The following OGT variants were observed in gnomAD, a reference collection of about 807,000 sequenced individuals.
OGT encodes the protein O-linked N-acetylglucosamine (GlcNAc) transferase.
A neutral mutation model predicts 75.8 loss-of-function variants in OGT; 3 were observed. The ratio of observed to expected loss-of-function variants is 0.04; its 90% CI spans 0.02 to 0.10. OGT has a LOEUF of 0.10. OGT is among the 10% of genes least tolerant of loss of function. The pLI, the probability that OGT is intolerant of heterozygous loss-of-function variation, is 1.00. For synonymous variants in OGT, 257 were observed against 289.7 expected (o/e 0.89, Z 1.15); for missense variants, 260 against 824.4 (o/e 0.32, Z 8.38).
At chrX:71,549,319 A>C (rs1031858214) in intron 5 of OGT, among the ~76,000 whole-genome samples, 75 of 107,127 alleles carry the variant, frequency 7.0e-4, no homozygotes, top group African/African-American at 2.3e-3. Flanking sequence ...AAAAAAAAAA[A>C]AAAATTAGGC....
In OGT at chrX:71,559,126, T is replaced by C. The variant is rs201095807; in HGVS notation, c.1603-141T>C. 8 of 486,025 alleles carry C rather than the reference T, an allele frequency of 1.6e-5. No individual in the cohort carries two copies. In the East Asian group the frequency reaches 2.6e-4, roughly 16 times the overall value. 40.1% of individuals were successfully genotyped at this position (486,025 alleles called of 1,213,427 possible). On this transcript the variant is annotated intron_variant, in intron 12 of 21. Transcript: ENST00000373719. ...TATTACATAAAGTGCTGAGGTTGCA[T>C]CTCTCTGGCAATATTAACTAAATGC...
intron 12 of OGT, among the ~76,000 whole-genome samples, 200 bp downstream of exon 12, chrX:71,557,872 T>G (rs1602148820): frequency 1.8e-5 from 2 of 112,025 alleles, no homozygotes; most frequent in East Asian, 5.5e-4. Flanking sequence ...GACGGAATCC[T>G]TAACTCCTTC....
intron 16 of OGT, 51 bp from the exon 17 acceptor site, chrX:71,563,079 A>T: frequency 1.7e-6 from 2 of 1,193,060 alleles, no homozygotes; most frequent in Non-Finnish European, 2.3e-6. Context: ...TTTCCTTGCT[A>T]TTGTCTATGT....
chrX:71,555,220 T>G lies in OGT; in HGVS notation c.759T>G (p.Ser253Arg). 1 of 1,207,822 alleles carries G rather than the reference T, an allele frequency of 8.3e-7. No individual in the cohort carries two copies. Among genetic ancestry groups the G allele is most frequent in the Non-Finnish European group, 1.1e-6 (1 of 894,153 alleles). The change falls in exon 7 of 22, where the codon AGT (serine) becomes AGG (arginine). Residue 253 changes from serine (S) to arginine (R), a missense_variant. By Grantham distance (110) the Ser-to-Arg change is moderately radical. Around this residue, in one of 6 missense-constraint regions of OGT, gnomAD observed 99 missense variants for 417.9 expected, o/e 0.24. Transcript: ENST00000373719. Reference protein sequence around the residue: ...RAVAAYLRALSLSPNHAVVHG... With the variant: ...RAVAAYLRALRLSPNHAVVHG... ...TGGCAGCTTATCTTCGTGCCCTAAG[T>G]TTGAGTCCAAATCACGCAGTGGTGC... is the stretch of plus-strand genomic sequence containing the variant.
chrX:71,540,948 C>G (rs949989651), intron 3 of OGT, among the ~76,000 whole-genome samples: 1 of 111,937 alleles, frequency 8.9e-6, no homozygotes, highest in Non-Finnish European at 1.9e-5. Flanking sequence ...GCTGGGATTA[C>G]AGGCGTGAAC....
At chrX:71,569,133 T>C (rs1280140290) in intron 21 of OGT, among the ~76,000 whole-genome samples, 1 of 111,150 alleles carries the variant, frequency 9.0e-6, no homozygotes, top group Non-Finnish European at 1.9e-5. Flanking sequence ...ATGGAGACCA[T>C]CCTGGCTAAC....
chrX:71,539,067 A>T (rs1209333329), intron 3 of OGT, among the ~76,000 whole-genome samples: 1 of 112,575 alleles, frequency 8.9e-6, no homozygotes. Context: ...GTATTAATAG[A>T]TATTAAAACC....
Position 71,563,105 on chromosome X carries a change from T to C in OGT, c.2149-25T>C, listed in dbSNP as rs367623175. 4.9e-5 allele frequency: 58 copies of C among 1,195,118 alleles called. No homozygotes were observed. The African/African-American group carries it at 9.3e-4, about 19-fold the overall frequency. On this transcript the variant is annotated intron_variant, in intron 16 of 21. Transcript: ENST00000373719. ...TTGTCTATGTAAATCCTAAAAGACA[T>C]GTCTGAAACTATTTTTTCCATTAGA...
chrX:71,556,346 A>C, intron 8 of OGT: 1 of 388,374 alleles, frequency 2.6e-6, no homozygotes, highest in South Asian at 5.5e-5. Context: ...CCCACAGTTC[A>C]AGAGAAGTTA....
chrX:71,564,574 A>G (rs1399011406), intron 18 of OGT, 27 bp from the exon 19 acceptor site: 1 of 1,176,027 alleles, frequency 8.5e-7, no homozygotes, highest in Non-Finnish European at 1.2e-6. Flanking sequence ...GCCTTTAAAT[A>G]TAACCATCAT....
intron 19 of OGT, 55 bp from the exon 20 acceptor site, chrX:71,567,445 T>G: frequency 9.7e-7 from 1 of 1,031,186 alleles, no homozygotes; most frequent in Non-Finnish European, 1.3e-6. Context: ...CTGGGAGTCT[T>G]TGTTGAAAAA....
rs1480157105 is a variant in OGT at position 71,546,818 on chromosome X, C to T, written c.532-1089C>T. The T allele has an allele frequency of 6.6e-6, 5 of 753,429 alleles. No homozygotes were observed. In the South Asian group the frequency reaches 2.7e-4, roughly 41 times the overall value. 62.1% of individuals were successfully genotyped at this position (753,429 alleles called of 1,213,427 possible). A position where few individuals can be genotyped will look rare whatever the true frequency, so the allele number is the denominator to read the frequency against. On this transcript the variant is annotated intron_variant, in intron 4 of 21. Coordinates refer to ENST00000373719, the MANE Select transcript of OGT (RefSeq NM_181672.3). The stretch of plus-strand genomic sequence containing the variant: ...GCGCAAAGGCTGCGCAGCGTTAATG[C>T]GCATTGCGTGCGAATGAACCCCTGT...
chrX:71,549,295 CAAAA>C (rs35779562), intron 5 of OGT, among the ~76,000 whole-genome samples: 539 of 21,782 alleles, frequency 0.025, 6 homozygotes, highest in African/African-American at 0.09. Context: ...GGCCCTGTCT[CAAAA>C]AAAAAAAAAA....
chrX:71,533,446 G>A (rs188372063), intron 1 of OGT, 110 bp downstream of exon 1: 3 of 709,264 alleles, frequency 4.2e-6, no homozygotes, highest in Admixed American at 2.7e-5. Context: ...CATTACATCA[G>A]TGACATTGCT....
intron 21 of OGT, among the ~76,000 whole-genome samples, chrX:71,570,375 G>T (rs1419579402): frequency 2.7e-5 from 3 of 111,481 alleles, no homozygotes; most frequent in Non-Finnish European, 1.9e-5. Context: ...TCGGTATAAT[G>T]GGTGATGTTT....
chrX:71,567,342 A>T (rs765578679), intron 19 of OGT, among the ~76,000 whole-genome samples, 158 bp from the exon 20 acceptor site: 2 of 111,832 alleles, frequency 1.8e-5, no homozygotes, highest in East Asian at 5.6e-4. Flanking sequence ...AATTCAATTG[A>T]TCTCATTCAT....
chrX:71,547,564 C>G, intron 4 of OGT: 1 of 824,681 alleles, frequency 1.2e-6, no homozygotes, highest in Non-Finnish European at 1.5e-6. Context: ...ATGACAAGGG[C>G]CCGTAGTTGT....
intron 12 of OGT, among the ~76,000 whole-genome samples, chrX:71,558,008 G>A (rs867465074): frequency 1.9e-5 from 2 of 107,605 alleles, no homozygotes; most frequent in African/African-American, 3.4e-5. Flanking sequence ...AGGCTGGAGT[G>A]CAGCGGTGTG....
Position 71,570,045 on chromosome X carries a change from T to G in OGT, c.2966+1929T>G, listed in dbSNP as rs1460001024. On this transcript the variant is annotated intron_variant, in intron 21 of 21. Coordinates refer to ENST00000373719, the MANE Select transcript of OGT (RefSeq NM_181672.3). ...CACTGTGCCTGGCGTTTTTTTTTTT[T>G]TTTTTTTTTTTTTTGGAGACAGCCT... Among the ~76,000 whole-genome samples the G allele has an allele frequency of 1.4e-4, 11 of 76,647 alleles. No homozygotes were observed. In the East Asian group the frequency reaches 4.2e-3, roughly 29 times the overall value. 66.6% of individuals were successfully genotyped at this position (76,647 alleles called of 115,157 possible). A position where few individuals can be genotyped will look rare whatever the true frequency, so the allele number is the denominator to read the frequency against.
Sources: allele counts gnomAD v4.1 joint callset (sites outside exome capture counted in the v4.1 genomes callset), GRCh38; gene constraint gnomAD v4.1.1; regional missense constraint gnomAD v4.1.1; transcripts MANE v1.5; gene names NCBI Gene and HGNC (gene_info 2026-07-23, HGNC 2026-07-21).